Variants in TBXAS1 observed in about 807,000 individuals in gnomAD.
TBXAS1 encodes the protein thromboxane A synthase 1.
A neutral mutation model predicts 60.7 loss-of-function variants in TBXAS1; 48 were observed. That is an observed-to-expected ratio of 0.79 (90% CI 0.63 to 1.01). TBXAS1 has a LOEUF of 1.01. TBXAS1 is among the 50% of genes least tolerant of loss of function. The probability of loss-of-function intolerance (pLI) is 0.00; values close to 1 mark genes in which losing one functional copy is unlikely to be tolerated. For synonymous variants in TBXAS1, 287 were observed against 269.7 expected, an observed-to-expected ratio of 1.06 and a Z score of -0.63; for missense variants, 685 against 686.3, an observed-to-expected ratio of 1.00 and a Z score of 0.02.
intron 3 of TBXAS1, 24 bp from the exon 4 acceptor site, chr7:139,911,201 T>A (rs1422380689): frequency 6.2e-7 from 1 of 1,606,300 alleles, no homozygotes; most frequent in Admixed American, 1.7e-5. Flanking sequence ...CAACACATTT[T>A]AATGCATTTT....
chr7:139,784,409 A>G (rs1797117455), intron 3 of TBXAS1, among the ~76,000 whole-genome samples: 1 of 152,200 alleles, frequency 6.6e-6, no homozygotes, highest in African/African-American at 2.4e-5. Flanking sequence ...AAGTTCAAAG[A>G]AAAACCACCA....
chr7:139,891,480 G>T (rs761595875), intron 3 of TBXAS1, among the ~76,000 whole-genome samples: 6 of 152,088 alleles, frequency 3.9e-5, no homozygotes, highest in Admixed American at 3.9e-4. Context: ...TAAGAGGTGT[G>T]AGCAGAGTTG....
At chr7:139,815,590 A>G (rs752691573) in intron 4 of TBXAS1, among the ~76,000 whole-genome samples, 65 of 152,166 alleles carry the variant, frequency 4.3e-4, no homozygotes, top group Admixed American at 2.2e-3. Flanking sequence ...CATCCCACAC[A>G]CACCTTATGT....
rs150938955 is a variant in TBXAS1 at position 139,891,460 on chromosome 7, G to A, written c.236+15823G>A. 1.2e-3 allele frequency among the ~76,000 whole-genome samples: 185 copies of A among 152,198 alleles called. 1 individual carries two copies. The highest frequency in any genetic ancestry group is 4.1e-3 in the African/African-American group (171 of 41,538). On this transcript the variant is annotated intron_variant, in intron 3 of 12. Coordinates refer to ENST00000448866, the MANE Select transcript of TBXAS1 (RefSeq NM_001061.7). ...CATGAGTGACTAGAATGAAAAGGGC[G>A]TGTGGCTAGTAAGAGGTGTGAGCAG...
chr7:139,869,089 A>G (rs1013913682), intron 1 of TBXAS1, among the ~76,000 whole-genome samples: 3 of 152,120 alleles, frequency 2.0e-5, no homozygotes, highest in Non-Finnish European at 4.4e-5. Context: ...ATGAGCCACC[A>G]CACCCAGACC....
intron 3 of TBXAS1, among the ~76,000 whole-genome samples, chr7:139,883,006 A>G (rs1802814955): frequency 1.3e-5 from 2 of 152,224 alleles, no homozygotes; most frequent in Non-Finnish European, 2.9e-5. Flanking sequence ...TAGGGGGGCC[A>G]TTATTCTCTA....
In TBXAS1 at chr7:139,949,891, C is replaced by T. The variant is rs575499874; in HGVS notation, c.451-3477C>T. Reference sequence around the variant, plus strand: ...GTGATGATGAATGATTCTGCGGCTACCTAAACCAGCTGTCCAGTGGAGGGG... The same window carrying T: ...GTGATGATGAATGATTCTGCGGCTATCTAAACCAGCTGTCCAGTGGAGGGG... On this transcript the variant is annotated intron_variant, in intron 5 of 12. Coordinates refer to ENST00000448866, the MANE Select transcript of TBXAS1 (RefSeq NM_001061.7). Among the ~76,000 whole-genome samples, 7 of 152,282 alleles carry T rather than the reference C, an allele frequency of 4.6e-5. No individual in the cohort carries two copies. The South Asian group carries it at 8.3e-4, about 18-fold the overall frequency.
chr7:139,824,829 C>CTTTTCTTTTTTTTTTTTT (rs1401847052), upstream of TBXAS1, among the ~76,000 whole-genome samples: 18 of 38,860 alleles, frequency 4.6e-4, 3 homozygotes, highest in African/African-American at 9.5e-4. Context: ...TTTTCCTTTT[C>CTTTTCTTTTTTTTTTTTT]TTTTTTTTTT....
At chr7:139,796,968 C>T (rs1282333038) in intron 4 of TBXAS1, among the ~76,000 whole-genome samples, 1 of 152,102 alleles carries the variant, frequency 6.6e-6, no homozygotes, top group African/African-American at 2.4e-5. Context: ...CTTGACATGT[C>T]GACACAATGT....
intron 9 of TBXAS1, among the ~76,000 whole-genome samples, chr7:139,984,640 G>GAGAGAGAGAGAGAGAAAGAAAGAAAGAA (rs1007635035): frequency 2.0e-5 from 2 of 99,784 alleles, no homozygotes; most frequent in African/African-American, 7.7e-5. Context: ...GAGAGAGAGA[G>GAGAGAGAGAGAGAGAAAGAAAGAAAGAA]AGAAAGAAAG....
intron 4 of TBXAS1, among the ~76,000 whole-genome samples, chr7:139,933,860 G>C (rs765923430): frequency 7.2e-6 from 1 of 138,626 alleles, no homozygotes; most frequent in African/African-American, 3.1e-5. Context: ...CCCACACCCC[G>C]CAACCTGCAG....
Position 139,975,291 on chromosome 7 carries a change from C to G in TBXAS1, c.1134+13058C>G, listed in dbSNP as rs1203700705. Among the ~76,000 whole-genome samples the G allele has an allele frequency of 6.6e-6, 1 of 152,206 alleles. No individual in the cohort carries two copies. The highest frequency in any genetic ancestry group is 1.5e-5 in the Non-Finnish European group (1 of 68,036). On this transcript the variant is annotated intron_variant, in intron 9 of 12. Transcript: ENST00000448866. The surrounding 1 kb of genome is among the most constrained non-coding windows in gnomAD (Gnocchi z 4.4). ...ACACAATAGCCTAGCAAAGTTGACA[C>G]AAAAGACTAACCAAGCTAAATAACT...
chr7:139,993,052 C>T (rs936327186), intron 9 of TBXAS1, among the ~76,000 whole-genome samples: 15 of 152,134 alleles, frequency 9.9e-5, no homozygotes, highest in African/African-American at 3.4e-4. Flanking sequence ...AAACCATTAG[C>T]TGGGCATGGT....
chr7:139,928,930 T>G (rs1425687533), intron 4 of TBXAS1, among the ~76,000 whole-genome samples: 1 of 152,222 alleles, frequency 6.6e-6, no homozygotes, highest in Non-Finnish European at 1.5e-5. Context: ...TTAGGAGATG[T>G]TCTCTAAACT....
intron 5 of TBXAS1, among the ~76,000 whole-genome samples, chr7:139,951,264 A>G (rs1179682750): frequency 6.6e-6 from 1 of 152,176 alleles, no homozygotes; most frequent in East Asian, 1.9e-4. Flanking sequence ...TTTGTCTTCT[A>G]GAAAAGTCAA....
chr7:139,787,881 AC>A (rs1183606552), intron 4 of TBXAS1, among the ~76,000 whole-genome samples: 1 of 152,250 alleles, frequency 6.6e-6, no homozygotes, highest in African/African-American at 2.4e-5. Flanking sequence ...ACATAAGACT[AC>A]AAAAGAAGCT....
At chr7:139,865,875 G>GT in intron 1 of TBXAS1, among the ~76,000 whole-genome samples, 1 of 122,506 alleles carries the variant, frequency 8.2e-6, no homozygotes, top group Non-Finnish European at 1.7e-5. Context: ...AGGAAGGAGG[G>GT]AGGGAGGGAA....
intron 4 of TBXAS1, among the ~76,000 whole-genome samples, chr7:139,824,237 A>G (rs1275898412): frequency 6.6e-6 from 1 of 152,168 alleles, no homozygotes; most frequent in African/African-American, 2.4e-5. Context: ...GAGTGAGTGG[A>G]GACAGGGTAA....
At chr7:139,921,760 T>G (rs1381544496) in intron 4 of TBXAS1, among the ~76,000 whole-genome samples, 1 of 152,222 alleles carries the variant, frequency 6.6e-6, no homozygotes, top group East Asian at 1.9e-4. Context: ...CACAATCTAT[T>G]CCTCTGTCAA....
Sources: gnomAD v4.1 joint callset for allele counts (sites outside exome capture counted in the v4.1 genomes callset) on GRCh38, gnomAD v4.1.1 for gene constraint, Gnocchi (gnomAD v3.1) non-coding constraint, MANE v1.5 for transcripts, NCBI Gene and HGNC (gene_info 2026-07-23, HGNC 2026-07-21) for gene names.